CATSPERE: variants seen among roughly 807,000 people sequenced by gnomAD.
CATSPERE encodes the protein cation channel sperm-associated auxiliary subunit epsilon.
A neutral mutation model predicts 114.1 loss-of-function variants in CATSPERE; 93 were observed. That is an observed-to-expected ratio of 0.81 (90% CI 0.69 to 0.97). The LOEUF (loss-of-function observed/expected upper bound fraction) is 0.97, where lower values mean the gene tolerates loss of function less well. CATSPERE is among the 50% of genes least tolerant of loss of function. CATSPERE has a pLI of 0.00. For synonymous variants in CATSPERE, 341 were observed against 384.1 expected (o/e 0.89, Z 1.31); for missense variants, 1,058 against 1,131.6 (o/e 0.93, Z 0.93).
chr1:244,580,601 C>CA (rs1666021997), intron 11 of CATSPERE, among the ~76,000 whole-genome samples: 1 of 152,062 alleles, frequency 6.6e-6, no homozygotes, highest in Non-Finnish European at 1.5e-5. Context: ...CCATTCACGT[C>CA]AAAAAAATAT....
chr1:244,531,182 G>A (rs946008418), intron 8 of CATSPERE, among the ~76,000 whole-genome samples: 1 of 150,580 alleles, frequency 6.6e-6, no homozygotes, highest in African/African-American at 2.4e-5. Context: ...GTTGCAGTGA[G>A]GAGAGATAGA....
chr1:244,561,889 C>T lies in CATSPERE; in HGVS notation c.1507+744C>T, dbSNP rs147641916. 2.3e-3 allele frequency among the ~76,000 whole-genome samples: 353 copies of T among 152,218 alleles called. 2 individuals carry two copies. Among genetic ancestry groups the T allele is most frequent in the African/African-American group, 8.0e-3 (333 of 41,538 alleles). ...CTGTGAGGCCAGGCGTGGTGGCTCA[C>T]GCTTCTAATGCCAGCACTTTGGAAG... is the stretch of plus-strand genomic sequence containing the variant. On this transcript the variant is annotated intron_variant, in intron 10 of 21. Coordinates refer to ENST00000366534, the MANE Select transcript of CATSPERE (RefSeq NM_001130957.2).
chr1:244,639,749 C>T (rs1294737633), intron 21 of CATSPERE, among the ~76,000 whole-genome samples, 179 bp from the exon 22 acceptor site: 1 of 151,354 alleles, frequency 6.6e-6, no homozygotes, highest in Non-Finnish European at 1.5e-5. Flanking sequence ...GTCTATTTTC[C>T]TCCCTGTCAG....
chr1:244,531,235 CAA>C (rs60936159), intron 8 of CATSPERE, among the ~76,000 whole-genome samples: 4 of 60,398 alleles, frequency 6.6e-5, no homozygotes, highest in South Asian at 6.7e-4. Flanking sequence ...GACTCAGTCT[CAA>C]AAAAAAAAAA....
chr1:244,605,707 T>C lies in CATSPERE; in HGVS notation c.2316T>C (p.Asn772=). ...FQPVVQLFDD[N]GYVKDVEANF... Reference sequence around the variant, plus strand: ...TTGTTTCTTTCAGATTTGATGATAATGGCTATGTTAAAGACGTTGAAGCAA... The same window carrying C: ...TTGTTTCTTTCAGATTTGATGATAACGGCTATGTTAAAGACGTTGAAGCAA... The change falls in exon 18 of 22, where the codon AAT becomes AAC. Residue 772 remains asparagine (N), a synonymous_variant. Coordinates refer to ENST00000366534, the MANE Select transcript of CATSPERE (RefSeq NM_001130957.2). 1.2e-6 allele frequency: 2 copies of C among 1,608,314 alleles called. No homozygotes were observed. The highest frequency in any genetic ancestry group is 1.1e-5 in the South Asian group (1 of 90,836).
intron 6 of CATSPERE, among the ~76,000 whole-genome samples, chr1:244,494,312 T>C (rs1276784051): frequency 5.9e-5 from 9 of 151,636 alleles, no homozygotes; most frequent in Non-Finnish European, 1.0e-4. Context: ...GGGACATGGA[T>C]GAAACTGGAA....
intron 8 of CATSPERE, among the ~76,000 whole-genome samples, chr1:244,527,213 G>T (rs546871955): frequency 5.3e-5 from 8 of 152,128 alleles, no homozygotes; most frequent in African/African-American, 1.7e-4. Context: ...GCCTGGGAGC[G>T]CTACAGGAGA....
chr1:244,509,686 G>A (rs1483863920), intron 7 of CATSPERE, among the ~76,000 whole-genome samples: 1 of 152,170 alleles, frequency 6.6e-6, no homozygotes, highest in East Asian at 1.9e-4. Context: ...GTAAAATTCA[G>A]CAGTAAAGCC....
intron 20 of CATSPERE, among the ~76,000 whole-genome samples, chr1:244,631,863 G>T (rs1673990357): frequency 6.6e-6 from 1 of 152,170 alleles, no homozygotes; most frequent in South Asian, 2.1e-4. Flanking sequence ...TCCAAATGGT[G>T]TGGCCACTTT....
At chr1:244,537,645 GT>G (rs1367653802) in intron 8 of CATSPERE, among the ~76,000 whole-genome samples, 1 of 152,194 alleles carries the variant, frequency 6.6e-6, no homozygotes, top group African/African-American at 2.4e-5. Flanking sequence ...TATTTTTCCA[GT>G]TTATTTAATA....
intron 7 of CATSPERE, among the ~76,000 whole-genome samples, chr1:244,511,009 A>G (rs1363894973): frequency 6.6e-6 from 1 of 151,314 alleles, no homozygotes; most frequent in Admixed American, 6.6e-5. Flanking sequence ...ACACCTGGCT[A>G]ATTTTGTATT....
chr1:244,606,235 C>T (rs1439528219), intron 18 of CATSPERE, among the ~76,000 whole-genome samples: 1 of 152,204 alleles, frequency 6.6e-6, no homozygotes, highest in Non-Finnish European at 1.5e-5. Flanking sequence ...CTTCCACCCG[C>T]CAGGACTGGT....
chr1:244,469,345 CT>C (rs1668099213), intron 2 of CATSPERE, among the ~76,000 whole-genome samples: 1 of 151,960 alleles, frequency 6.6e-6, no homozygotes, highest in Non-Finnish European at 1.5e-5. Flanking sequence ...AGATTAAGTC[CT>C]TATATATCCA....
At chr1:244,519,025 TACAC>T (rs769775193) in intron 8 of CATSPERE, among the ~76,000 whole-genome samples, 1 of 149,898 alleles carries the variant, frequency 6.7e-6, no homozygotes, top group South Asian at 2.1e-4. Context: ...TACACACACA[TACAC>T]ACACACACAC....
intron 8 of CATSPERE, among the ~76,000 whole-genome samples, chr1:244,527,627 G>C (rs1678861630): frequency 6.6e-6 from 1 of 152,076 alleles, no homozygotes; most frequent in South Asian, 2.1e-4. Flanking sequence ...ATAAAGACAG[G>C]GATAGGAAAT....
chr1:244,588,367 C>G (rs904704828), intron 13 of CATSPERE, 115 bp from the exon 14 acceptor site: 2 of 771,194 alleles, frequency 2.6e-6, no homozygotes, highest in Admixed American at 4.0e-5. Flanking sequence ...ATAAGAGAAC[C>G]CTACATTTTA....
rs950992908 is a variant in CATSPERE, at chr1:244,461,327, G to C, written c.-103G>C. ...GGCCCGCCCTGTCCAGAGGCGCCGG[G>C]ACCCAGGCGCCTGCAGCCGCCCGCC... On this transcript the variant is annotated 5_prime_UTR_variant, in exon 1 of 22. Transcript: ENST00000366534. The C allele has an allele frequency of 5.8e-6, 6 of 1,025,778 alleles. No homozygotes were observed. Among genetic ancestry groups the C allele is most frequent in the Non-Finnish European group, 7.6e-6 (6 of 785,592 alleles). The allele number at this position is 1,025,778 out of a possible 1,614,324, so 63.5% of individuals were successfully genotyped here. A position where few individuals can be genotyped will look rare whatever the true frequency, so the allele number is the denominator to read the frequency against.
chr1:244,534,503 T>G (rs1035992601), intron 8 of CATSPERE, among the ~76,000 whole-genome samples: 7 of 152,208 alleles, frequency 4.6e-5, no homozygotes, highest in Non-Finnish European at 8.8e-5. Context: ...AAATAGCCTG[T>G]CTTCAAGCTT....
chr1:244,521,445 C>A (rs1677542996), intron 8 of CATSPERE, among the ~76,000 whole-genome samples: 1 of 151,946 alleles, frequency 6.6e-6, no homozygotes, highest in Non-Finnish European at 1.5e-5. Flanking sequence ...AGTTCAGTAT[C>A]ATATTTTTAA....
Sources: allele counts gnomAD v4.1 joint callset (sites outside exome capture counted in the v4.1 genomes callset), GRCh38; gene constraint gnomAD v4.1.1; transcripts MANE v1.5; gene names NCBI Gene and HGNC (gene_info 2026-07-23, HGNC 2026-07-21).